The following CTNND2 variants were observed in gnomAD, a reference collection of about 807,000 sequenced individuals.
The protein encoded by CTNND2 is catenin delta 2.
CTNND2 carries 22 observed loss-of-function variants against 144.4 expected under a neutral mutation model. The ratio of observed to expected loss-of-function variants is 0.15; its 90% CI spans 0.11 to 0.22. The LOEUF is 0.22. Ranked by LOEUF, CTNND2 falls within the 10% of genes least tolerant of loss-of-function variation. The probability of loss-of-function intolerance (pLI) is 1.00; values close to 1 mark genes in which losing one functional copy is unlikely to be tolerated. For synonymous variants in CTNND2, 751 were observed against 695.6 expected (o/e 1.08, Z -1.25); for missense variants, 1,353 against 1,618.8 (o/e 0.84, Z 2.82).
chr5:11,844,983 G>A lies in CTNND2; in HGVS notation c.37+58834C>T, dbSNP rs574834761. ...GCAGGGAGCCATCATTTTCATGAAC[G>A]GGAGCTAGCGTGTGACTCTAACTGG... is the stretch of plus-strand genomic sequence containing the variant. On this transcript the variant is annotated intron_variant, in intron 1 of 21. Transcript: ENST00000304623. Among the ~76,000 whole-genome samples, 6 of 152,182 alleles carry A rather than the reference G, an allele frequency of 3.9e-5. No homozygotes were observed. In the South Asian group the frequency reaches 6.2e-4, roughly 16 times the overall value.
chr5:11,079,673 A>G (rs543750755), intron 16 of CTNND2, among the ~76,000 whole-genome samples: 2 of 152,106 alleles, frequency 1.3e-5, no homozygotes, highest in South Asian at 2.1e-4. Flanking sequence ...TTTCCCCCCA[A>G]ATACCTGCAT....
chr5:11,019,532 G>GC (rs1202542255), intron 17 of CTNND2, among the ~76,000 whole-genome samples: 2 of 152,202 alleles, frequency 1.3e-5, no homozygotes, highest in Non-Finnish European at 2.9e-5. Flanking sequence ...GTAACGAACA[G>GC]CAGGTTTTAA....
At chr5:11,627,839 G>A (rs1781233227) in intron 2 of CTNND2, among the ~76,000 whole-genome samples, 1 of 150,328 alleles carries the variant, frequency 6.7e-6, no homozygotes, top group Admixed American at 6.7e-5. Flanking sequence ...TCCCATCTGG[G>A]GGTGATGGGA....
intron 16 of CTNND2, among the ~76,000 whole-genome samples, chr5:11,040,228 A>G (rs1473736335): frequency 6.6e-6 from 1 of 152,124 alleles, no homozygotes; most frequent in African/African-American, 2.4e-5. Flanking sequence ...CCTGGGTGAC[A>G]GGGTAAGACT....
chr5:11,444,774 C>T (rs750459184), intron 3 of CTNND2, among the ~76,000 whole-genome samples: 25 of 152,080 alleles, frequency 1.6e-4, no homozygotes, highest in Non-Finnish European at 2.6e-4. Context: ...AATAATTGAC[C>T]AGTTCTGGGC....
intron 12 of CTNND2, among the ~76,000 whole-genome samples, chr5:11,149,745 G>T (rs1291513739): frequency 1.3e-5 from 2 of 152,086 alleles, no homozygotes; most frequent in African/African-American, 4.8e-5. Context: ...AGAGCCCAGG[G>T]TCCTAAAAAG....
chr5:11,717,054 G>T (rs113805143), intron 2 of CTNND2, among the ~76,000 whole-genome samples: 21,460 of 151,472 alleles, frequency 0.14, 2,324 homozygotes, highest in African/African-American at 0.3. Flanking sequence ...TTTTAGTAAA[G>T]ACGGGGTTTC....
chr5:11,470,981 T>TATATCTATATATA (rs58435800), intron 3 of CTNND2, among the ~76,000 whole-genome samples: 1 of 64,070 alleles, frequency 1.6e-5, no homozygotes, highest in African/African-American at 8.4e-5. Context: ...TATATATATA[T>TATATCTATATATA]TTTTTTTTTT....
intron 2 of CTNND2, among the ~76,000 whole-genome samples, chr5:11,664,602 T>TA (rs1165197974): frequency 5.3e-5 from 8 of 152,214 alleles, no homozygotes; most frequent in African/African-American, 1.9e-4. Flanking sequence ...ATATATAACT[T>TA]ACTTTAAAGT....
chr5:11,695,212 T>C (rs1785088896), intron 2 of CTNND2, among the ~76,000 whole-genome samples: 1 of 152,194 alleles, frequency 6.6e-6, no homozygotes, highest in Non-Finnish European at 1.5e-5. Context: ...CTGGTTTGTA[T>C]AGTATGTTAT....
intron 9 of CTNND2, among the ~76,000 whole-genome samples, chr5:11,344,972 C>T (rs1754622847): frequency 6.6e-6 from 1 of 152,108 alleles, no homozygotes; most frequent in South Asian, 2.1e-4. Flanking sequence ...TAAAGTATTT[C>T]CATCAGAGAT....
Position 11,734,780 on chromosome 5 carries a change from T to C in CTNND2, c.38-2508A>G, listed in dbSNP as rs533213694. On this transcript the variant is annotated intron_variant, in intron 1 of 21. Transcript: ENST00000304623. ...ATGTCTAGTTAATAATTTAGAGATA[T>C]TCCAACCTAAAAAGGCCCCATTACA... Among the ~76,000 whole-genome samples the C allele has an allele frequency of 3.9e-5, 6 of 152,290 alleles. No individual in the cohort carries two copies. In the East Asian group the frequency reaches 1.2e-3, roughly 29 times the overall value.
intron 10 of CTNND2, among the ~76,000 whole-genome samples, chr5:11,227,032 A>G (rs1245247937): frequency 6.6e-6 from 1 of 152,218 alleles, no homozygotes; most frequent in African/African-American, 2.4e-5. Context: ...CTAGTTGTGT[A>G]AACAGTGGCT....
intron 3 of CTNND2, among the ~76,000 whole-genome samples, chr5:11,547,657 A>C (rs1775364889): frequency 6.6e-6 from 1 of 152,248 alleles, no homozygotes; most frequent in African/African-American, 2.4e-5. Context: ...CAAGTGTATA[A>C]AAAGTGCTAA....
At chr5:11,014,716 CAT>C (rs540420125) in intron 18 of CTNND2, among the ~76,000 whole-genome samples, 49 of 152,284 alleles carry the variant, frequency 3.2e-4, no homozygotes, top group Non-Finnish European at 5.7e-4. Flanking sequence ...CCCTAGATAA[CAT>C]AAAGTAGGTG....
intron 3 of CTNND2, among the ~76,000 whole-genome samples, chr5:11,530,495 T>C (rs996219832): frequency 6.6e-6 from 1 of 152,124 alleles, no homozygotes; most frequent in African/African-American, 2.4e-5. Flanking sequence ...TAGAAGAGGC[T>C]CACTCCAAGG....
chr5:11,433,239 C>G (rs907848554), intron 3 of CTNND2, among the ~76,000 whole-genome samples: 1 of 138,932 alleles, frequency 7.2e-6, no homozygotes, highest in Non-Finnish European at 1.5e-5. Flanking sequence ...GAGCAAGACT[C>G]TGTCTCACAC....
intron 18 of CTNND2, among the ~76,000 whole-genome samples, chr5:11,017,238 C>T (rs1343531760): frequency 6.6e-6 from 1 of 151,956 alleles, no homozygotes; most frequent in Non-Finnish European, 1.5e-5. Context: ...GGAAATGAGG[C>T]CTTGAATAAA....
chr5:11,198,104 T>C (rs959798774), intron 11 of CTNND2, among the ~76,000 whole-genome samples: 1 of 152,110 alleles, frequency 6.6e-6, no homozygotes, highest in Non-Finnish European at 1.5e-5. Context: ...CCCACAAATA[T>C]AAGGATGGGT....
Sources: allele counts gnomAD v4.1 joint callset (sites outside exome capture counted in the v4.1 genomes callset), GRCh38; gene constraint gnomAD v4.1.1; transcripts MANE v1.5; gene names NCBI Gene and HGNC (gene_info 2026-07-23, HGNC 2026-07-21).